Variants in LPAR1 observed in about 807,000 individuals in gnomAD.
LPAR1 encodes lysophosphatidic acid receptor 1.
In LPAR1, 5 loss-of-function variants were observed where a neutral mutation model predicts 23.8. The ratio of observed to expected loss-of-function variants is 0.21; its 90% CI spans 0.11 to 0.44. The LOEUF (loss-of-function observed/expected upper bound fraction) is 0.44. LPAR1 is among the 20% of genes least tolerant of loss of function. The pLI is 0.99. For missense variants in LPAR1, 311 were observed against 482.8 expected (o/e 0.64, Z 3.33); for synonymous variants, 160 against 164.7 (o/e 0.97, Z 0.22).
chr9:111,031,720 G>C (rs1484837352), intron 2 of LPAR1, among the ~76,000 whole-genome samples: 1 of 152,186 alleles, frequency 6.6e-6, no homozygotes, highest in African/African-American at 2.4e-5. Context: ...GGGAAAATGA[G>C]ATGGAAGCAA....
intron 5 of LPAR1, among the ~76,000 whole-genome samples, chr9:110,916,578 A>T (rs1237987137): frequency 1.5e-5 from 2 of 135,684 alleles, no homozygotes; most frequent in African/African-American, 2.8e-5. Context: ...GGCCTGGATC[A>T]CTCAGACCCT....
At chr9:110,974,000 A>G (rs777046346) in intron 2 of LPAR1, among the ~76,000 whole-genome samples, 6 of 152,080 alleles carry the variant, frequency 3.9e-5, no homozygotes, top group Non-Finnish European at 8.8e-5. Flanking sequence ...GTGAAACCCC[A>G]TCTCTACTTA....
intron 2 of LPAR1, among the ~76,000 whole-genome samples, chr9:111,030,776 T>C (rs1471392284): frequency 1.3e-5 from 2 of 152,208 alleles, no homozygotes; most frequent in African/African-American, 4.8e-5. Flanking sequence ...TTGAGTGATG[T>C]CATGCTGCAC....
At chr9:110,913,204 T>C (rs1314573184) in intron 5 of LPAR1, among the ~76,000 whole-genome samples, 1 of 152,226 alleles carries the variant, frequency 6.6e-6, no homozygotes, top group East Asian at 1.9e-4. Context: ...AATCTAGCTA[T>C]GTATCTACGT....
intron 4 of LPAR1, among the ~76,000 whole-genome samples, chr9:110,961,143 T>A (rs2095960775): frequency 6.6e-6 from 1 of 151,816 alleles, no homozygotes; most frequent in Non-Finnish European, 1.5e-5. Context: ...AGCAATAAAC[T>A]TATACAATTT....
At chr9:110,970,543 GAT>G (rs2096383981) in intron 4 of LPAR1, among the ~76,000 whole-genome samples, 2 of 151,100 alleles carry the variant, frequency 1.3e-5, no homozygotes, top group Non-Finnish European at 2.9e-5. Context: ...TTATTCATAT[GAT>G]ATGAATAAAG....
chr9:110,955,332 G>A (rs1376466475), intron 4 of LPAR1, among the ~76,000 whole-genome samples: 1 of 152,092 alleles, frequency 6.6e-6, no homozygotes, highest in Non-Finnish European at 1.5e-5. Context: ...ACAGTAAAAA[G>A]AGATAAAGAG....
intron 5 of LPAR1, among the ~76,000 whole-genome samples, chr9:110,886,612 T>C (rs530008778): frequency 6.6e-6 from 1 of 152,260 alleles, no homozygotes; most frequent in South Asian, 2.1e-4. Context: ...CACTTTGCTG[T>C]ATCATAAAAA....
At chr9:110,889,978 A>G (rs2083577172) in intron 5 of LPAR1, among the ~76,000 whole-genome samples, 1 of 152,234 alleles carries the variant, frequency 6.6e-6, no homozygotes, top group African/African-American at 2.4e-5. Flanking sequence ...AAAGAAATTA[A>G]AACATGTTAC....
chr9:111,017,092 G>A (rs1444036131), intron 2 of LPAR1, among the ~76,000 whole-genome samples: 2 of 152,106 alleles, frequency 1.3e-5, no homozygotes, highest in Non-Finnish European at 2.9e-5. Context: ...TGGGCTTTCT[G>A]GGTAACACAG....
chr9:110,908,331 ATAT>A (rs1045397384), intron 5 of LPAR1, among the ~76,000 whole-genome samples: 4 of 149,178 alleles, frequency 2.7e-5, no homozygotes, highest in Non-Finnish European at 5.9e-5. Context: ...ATTAATTAAT[ATAT>A]TATAATTAAC....
At chr9:111,003,901 A>G (rs1171710485) in intron 2 of LPAR1, among the ~76,000 whole-genome samples, 1 of 152,234 alleles carries the variant, frequency 6.6e-6, no homozygotes, top group Non-Finnish European at 1.5e-5. Flanking sequence ...TAACTCAGAA[A>G]TAACTGAATT....
chr9:111,024,082 T>C (rs563183355), intron 2 of LPAR1, among the ~76,000 whole-genome samples: 24 of 152,172 alleles, frequency 1.6e-4, no homozygotes, highest in Non-Finnish European at 2.6e-4. Flanking sequence ...GTACAAAAAA[T>C]GGGTAAGAAG....
chr9:110,875,790 C>T (rs182493473), intron 5 of LPAR1, 68 bp from the exon 6 acceptor site: 5 of 850,342 alleles, frequency 5.9e-6, no homozygotes, highest in South Asian at 3.0e-5. Context: ...ATAAAACATG[C>T]GACCATAAAG....
intron 5 of LPAR1, among the ~76,000 whole-genome samples, chr9:110,899,679 T>A (rs538954282): frequency 7.2e-5 from 11 of 152,314 alleles, no homozygotes; most frequent in African/African-American, 2.6e-4. Flanking sequence ...AGGTCTGGAG[T>A]GGGACCTGAG....
intron 5 of LPAR1, among the ~76,000 whole-genome samples, chr9:110,935,508 G>T (rs552095484): frequency 2.6e-5 from 4 of 152,234 alleles, no homozygotes; most frequent in Non-Finnish European, 4.4e-5. Context: ...AAAAATATTG[G>T]CTGGGCATGG....
chr9:110,952,107 A>G (rs1267409987), intron 4 of LPAR1, among the ~76,000 whole-genome samples: 2 of 152,182 alleles, frequency 1.3e-5, no homozygotes, highest in Non-Finnish European at 2.9e-5. Context: ...CCACCTAAAA[A>G]AGAGTACTAG....
intron 2 of LPAR1, among the ~76,000 whole-genome samples, chr9:111,013,450 TAAGCCTCAG>T (rs767040905): frequency 1.3e-5 from 2 of 152,214 alleles, no homozygotes; most frequent in Non-Finnish European, 2.9e-5. Context: ...TTGCCCATTA[TAAGCCTCAG>T]AAGCCAGCTG....
At chr9:110,943,386 T>C (rs1200084445) in intron 4 of LPAR1, among the ~76,000 whole-genome samples, 2 of 152,062 alleles carry the variant, frequency 1.3e-5, no homozygotes, top group African/African-American at 4.8e-5. Context: ...TGAATATCCA[T>C]AGGTTGTACA....
Sources: allele counts gnomAD v4.1 joint callset (sites outside exome capture counted in the v4.1 genomes callset), GRCh38; gene constraint gnomAD v4.1.1; transcripts MANE v1.5; gene names NCBI Gene and HGNC (gene_info 2026-07-23, HGNC 2026-07-21).